Variants in HECW1 observed in about 807,000 individuals in gnomAD.
The protein encoded by HECW1 is HECT, C2 and WW domain containing E3 ubiquitin protein ligase 1, also known as E3 ubiquitin-protein ligase HECW1.
Under a neutral mutation model 182.3 loss-of-function variants are expected in HECW1, and 61 were observed. That is an observed-to-expected ratio of 0.33 (90% confidence interval 0.27 to 0.41). HECW1 has a LOEUF of 0.41. Ranked by LOEUF, HECW1 falls within the 10% of genes least tolerant of loss-of-function variation. The probability of loss-of-function intolerance (pLI) is 1.00; values close to 1 mark genes in which losing one functional copy is unlikely to be tolerated. For missense variants in HECW1, 1,739 were observed against 2,108.9 expected (o/e 0.82, Z 3.44); for synonymous variants, 859 against 832.6 (o/e 1.03, Z -0.55).
chr7:43,444,524 C>T lies in HECW1; in HGVS notation c.1352C>T (p.Pro451Leu). The change falls in exon 11 of 30, where the codon CCT becomes CTT. Residue 451 changes from proline (P) to leucine (L), a missense_variant. This residue lies in a region of HECW1 where 971 missense variants were observed against 1,029.1 expected (regional missense o/e 0.94). Transcript: ENST00000395891. This position sits in a 1 kb window ranked among gnomAD's most constrained non-coding sequence, Gnocchi z 4.3. ...LLAQVQKDIQ[P>L]APSAEELAEQ... Reference sequence around the variant, plus strand: ...GCCCAGGTGCAAAAGGACATCCAGCCTGCCCCCAGTGCAGAAGAGCTGGCC... The same window carrying T: ...GCCCAGGTGCAAAAGGACATCCAGCTTGCCCCCAGTGCAGAAGAGCTGGCC... 1 of 1,611,512 alleles carries T rather than the reference C, an allele frequency of 6.2e-7. No individual in the cohort carries two copies. Among genetic ancestry groups the T allele is most frequent in the Admixed American group, 1.7e-5 (1 of 59,724 alleles).
Position 43,206,520 on chromosome 7 carries a change from ATTC to A in HECW1, c.-31-37352_-31-37350del, listed in dbSNP as rs530222018. 2.0e-3 allele frequency among the ~76,000 whole-genome samples: 303 copies of A among 152,244 alleles called. 1 individual carries two copies. The highest frequency in any genetic ancestry group is 7.2e-3 in the African/African-American group (297 of 41,530). On this transcript the variant is annotated intron_variant, in intron 2 of 29. Transcript: ENST00000395891. The stretch of plus-strand genomic sequence containing the variant: ...CTTGGAAGTAATGTGTTCTACTTCA[ATTC>A]TTTAGTGGTTAACTTTCATTTTTTA...
rs569879578 is a variant in HECW1, at chr7:43,360,619, C to T, written c.461-267C>T. Among the ~76,000 whole-genome samples the T allele has an allele frequency of 3.0e-4, 45 of 152,300 alleles. No individual in the cohort carries two copies. In the South Asian group the frequency reaches 7.9e-3, roughly 27 times the overall value. On this transcript the variant is annotated intron_variant, in intron 5 of 29. Coordinates refer to ENST00000395891, the MANE Select transcript of HECW1 (RefSeq NM_015052.5). Reference sequence around the variant, plus strand: ...ACTAAGTGTTTTAAATCAATGACCTCTAATGGGGTAGGATGGATGCTGAGA... The same window carrying T: ...ACTAAGTGTTTTAAATCAATGACCTTTAATGGGGTAGGATGGATGCTGAGA...
intron 2 of HECW1, among the ~76,000 whole-genome samples, chr7:43,201,189 G>A: frequency 6.6e-6 from 1 of 152,292 alleles, no homozygotes; most frequent in South Asian, 2.1e-4. Flanking sequence ...CCCTTGACTG[G>A]CCTGCCCAAG....
At chr7:43,465,902 CAAAG>C (rs1184390492) in intron 14 of HECW1, among the ~76,000 whole-genome samples, 3 of 137,426 alleles carry the variant, frequency 2.2e-5, no homozygotes, top group South Asian at 2.3e-4. Flanking sequence ...TCAAGAAAGA[CAAAG>C]AGAGAGAGAG....
chr7:43,186,633 C>T (rs982096766), intron 2 of HECW1, among the ~76,000 whole-genome samples: 3 of 148,640 alleles, frequency 2.0e-5, no homozygotes, highest in African/African-American at 7.5e-5. Flanking sequence ...TGCACCACCG[C>T]ACTCCAGCCT....
chr7:43,551,768 G>T (rs1286702699), intron 27 of HECW1, among the ~76,000 whole-genome samples: 1 of 152,156 alleles, frequency 6.6e-6, no homozygotes, highest in Non-Finnish European at 1.5e-5. Flanking sequence ...TGAGGTGGGT[G>T]GCTTGCAGCA....
chr7:43,150,331 T>C (rs1789161641), intron 2 of HECW1, among the ~76,000 whole-genome samples: 1 of 152,220 alleles, frequency 6.6e-6, no homozygotes, highest in Non-Finnish European at 1.5e-5. Context: ...CAGTTAGATT[T>C]GCTTTAACAT....
intron 2 of HECW1, among the ~76,000 whole-genome samples, chr7:43,126,918 A>G (rs1786314477): frequency 6.6e-6 from 1 of 152,172 alleles, no homozygotes; most frequent in Non-Finnish European, 1.5e-5. Flanking sequence ...TCTTCCACCC[A>G]TTGGCCATGC....
At chr7:43,489,851 A>G (rs747368210) in intron 17 of HECW1, among the ~76,000 whole-genome samples, 2 of 152,218 alleles carry the variant, frequency 1.3e-5, no homozygotes, top group Non-Finnish European at 2.9e-5. Flanking sequence ...ACGATCTGCA[A>G]TATCACACAT....
At chr7:43,174,981 A>G (rs1792075190) in intron 2 of HECW1, among the ~76,000 whole-genome samples, 1 of 152,180 alleles carries the variant, frequency 6.6e-6, no homozygotes, top group African/African-American at 2.4e-5. Flanking sequence ...CATATTAATA[A>G]AACAAACACA....
rs2082294778 is a variant in HECW1, at chr7:43,564,897, T to C, written c.*2971T>C. 1 of 185,384 alleles carries C rather than the reference T, an allele frequency of 5.4e-6. No individual in the cohort carries two copies. The highest frequency in any genetic ancestry group is 2.3e-5 in the African/African-American group (1 of 42,626). The allele number at this position is 185,384 out of a possible 1,614,324, so 11.5% of individuals were successfully genotyped here. On this transcript the variant is annotated 3_prime_UTR_variant, in exon 30 of 30. Coordinates refer to ENST00000395891, the MANE Select transcript of HECW1 (RefSeq NM_015052.5). Reference sequence around the variant, plus strand: ...ACCACCTGTAATTTTTTTTTAAGCATGAGTTTTCTCCATGGAGGCAAATTG... The same window carrying C: ...ACCACCTGTAATTTTTTTTTAAGCACGAGTTTTCTCCATGGAGGCAAATTG...
At chr7:43,112,963 T>A (rs904018595) in intron 1 of HECW1, 26 bp downstream of exon 1, 1 of 207,424 alleles carries the variant, frequency 4.8e-6, no homozygotes, top group Non-Finnish European at 9.8e-6. Flanking sequence ...GCGGGGACAC[T>A]GTCTGCCGCC....
chr7:43,270,279 A>T (rs1384431851), intron 3 of HECW1, among the ~76,000 whole-genome samples: 1 of 152,226 alleles, frequency 6.6e-6, no homozygotes, highest in Non-Finnish European at 1.5e-5. Flanking sequence ...TGTAAGTCAG[A>T]TGTCAGCTGG....
chr7:43,518,373 G>A (rs1268754109), intron 24 of HECW1, among the ~76,000 whole-genome samples: 2 of 151,968 alleles, frequency 1.3e-5, no homozygotes, highest in African/African-American at 4.8e-5. Context: ...GCACATGCCT[G>A]TAATCCCAGC....
chr7:43,159,635 A>G (rs969792375), intron 2 of HECW1, among the ~76,000 whole-genome samples: 1 of 150,344 alleles, frequency 6.7e-6, no homozygotes, highest in Non-Finnish European at 1.5e-5. Context: ...ACATTTCCTT[A>G]TATCTTTACA....
intron 16 of HECW1, 28 bp from the exon 17 acceptor site, chr7:43,479,582 G>T (rs201525922): frequency 2.0e-5 from 32 of 1,613,658 alleles, no homozygotes; most frequent in Non-Finnish European, 2.2e-5. Flanking sequence ...ACACCACACG[G>T]TGCTTTTTTT....
chr7:43,214,901 G>T (rs1046668587), intron 2 of HECW1, among the ~76,000 whole-genome samples: 3 of 152,192 alleles, frequency 2.0e-5, no homozygotes, highest in Non-Finnish European at 2.9e-5. Context: ...GAACCCAGCT[G>T]GGAGGCAGCG....
intron 3 of HECW1, among the ~76,000 whole-genome samples, chr7:43,262,611 A>C (rs1465794808): frequency 2.0e-5 from 3 of 152,202 alleles, no homozygotes; most frequent in Non-Finnish European, 4.4e-5. Context: ...AAGCTATGAA[A>C]AGTAGTTTTC....
chr7:43,214,062 C>A (rs1223076503), intron 2 of HECW1, among the ~76,000 whole-genome samples: 3 of 151,816 alleles, frequency 2.0e-5, no homozygotes, highest in African/African-American at 7.3e-5. Flanking sequence ...TTGTAATCTT[C>A]TATATTACTG....
Sources: gnomAD v4.1 joint callset for allele counts (sites outside exome capture counted in the v4.1 genomes callset) on GRCh38, gnomAD v4.1.1 for gene constraint, gnomAD v4.1.1 regional missense constraint, Gnocchi (gnomAD v3.1) non-coding constraint, MANE v1.5 for transcripts, NCBI Gene and HGNC (gene_info 2026-07-23, HGNC 2026-07-21) for gene names.